The following ANK2 variants were observed in gnomAD, a reference collection of about 807,000 sequenced individuals.
ANK2 encodes the protein ankyrin-2.
Under a neutral mutation model 360.5 loss-of-function variants are expected in ANK2, and 83 were observed. The observed-to-expected ratio is 0.23, with a 90% CI of 0.19 to 0.28. The LOEUF (loss-of-function observed/expected upper bound fraction) is 0.28. Ranked by LOEUF, ANK2 falls within the 10% of genes least tolerant of loss-of-function variation. The pLI is 1.00. For synonymous variants in ANK2, 1,740 were observed against 1,759.5 expected (o/e 0.99, Z 0.28); for missense variants, 4,201 against 4,795.7 (o/e 0.88, Z 3.66).
chr4:112,706,041 C>T, the ANK2 span, among the ~76,000 whole-genome samples: 9 of 151,290 alleles, frequency 5.9e-5, no homozygotes, highest in South Asian at 2.1e-4. Flanking sequence ...GCGGCGGCTG[C>T]GGAGACTCCG....
intron 16 of ANK2, 63 bp downstream of exon 16, chr4:113,277,998 A>G: frequency 2.0e-6 from 3 of 1,468,132 alleles, no homozygotes; most frequent in Non-Finnish European, 2.8e-6. Context: ...GAGATCTGTA[A>G]AGACATTTTT....
chr4:113,046,502 A>G (rs2064449151), upstream of ANK2, among the ~76,000 whole-genome samples: 1 of 151,926 alleles, frequency 6.6e-6, no homozygotes, highest in South Asian at 2.1e-4. Flanking sequence ...GAATGGGATA[A>G]GTGGCCTTAT....
intron 26 of ANK2, among the ~76,000 whole-genome samples, chr4:113,329,060 T>G (rs1181060662): frequency 2.6e-5 from 4 of 152,208 alleles, no homozygotes; most frequent in African/African-American, 9.6e-5. Flanking sequence ...CATTTTGGTG[T>G]AAAGATCTTG....
At chr4:113,231,559 T>A (rs903215597) in intron 4 of ANK2, among the ~76,000 whole-genome samples, 2 of 152,112 alleles carry the variant, frequency 1.3e-5, no homozygotes, top group Admixed American at 1.3e-4. Context: ...TTCCATATGT[T>A]ATGAACTTAT....
At chr4:112,909,799 G>C (rs10016549) in intron 2 of ANK2, among the ~76,000 whole-genome samples, 1 of 152,150 alleles carries the variant, frequency 6.6e-6, no homozygotes, top group African/African-American at 2.4e-5. Flanking sequence ...ATTGGTATCT[G>C]ATAAAAGTGA....
At chr4:112,810,499 T>C in the ANK2 span, among the ~76,000 whole-genome samples, 2 of 152,146 alleles carry the variant, frequency 1.3e-5, no homozygotes, top group African/African-American at 4.8e-5. Context: ...TGGTGAGCTA[T>C]GGCTCATATT....
At chr4:113,296,379 C>T (rs79777658) in intron 22 of ANK2, among the ~76,000 whole-genome samples, 1,946 of 152,096 alleles carry the variant, frequency 0.013, 27 homozygotes, top group Non-Finnish European at 0.018. Flanking sequence ...ATGTTATTAC[C>T]GCTCAAATGC....
At chr4:113,309,449 G>T (rs1352195721) in intron 23 of ANK2, among the ~76,000 whole-genome samples, 3 of 152,316 alleles carry the variant, frequency 2.0e-5, no homozygotes, top group East Asian at 1.9e-4. Flanking sequence ...AAATAAGGGA[G>T]AATGTAAAGG....
intron 24 of ANK2, among the ~76,000 whole-genome samples, chr4:113,316,422 G>A (rs1289848090): frequency 6.6e-6 from 1 of 152,056 alleles, no homozygotes; most frequent in Non-Finnish European, 1.5e-5. Flanking sequence ...CAATTGATGC[G>A]GGCTATGTTG....
At chr4:112,818,416 G>A (rs1228760522) in intron 1 of ANK2, among the ~76,000 whole-genome samples, 2 of 152,226 alleles carry the variant, frequency 1.3e-5, no homozygotes, top group Admixed American at 6.5e-5. Context: ...GAGTTCAAAG[G>A]CAGCGCTGAT....
At chr4:112,735,620 C>T in the ANK2 span, among the ~76,000 whole-genome samples, 1 of 152,150 alleles carries the variant, frequency 6.6e-6, no homozygotes, top group Non-Finnish European at 1.5e-5. Context: ...CTCATTTCCC[C>T]AAACCACTGA....
chr4:113,331,854 C>A (rs761680679), intron 27 of ANK2, 118 bp from the exon 28 acceptor site: 1 of 937,254 alleles, frequency 1.1e-6, no homozygotes, highest in Non-Finnish European at 1.8e-6. Flanking sequence ...CAGAACCAAA[C>A]GCAGTGTGAA....
At chr4:112,924,920 G>A (rs867736616) in intron 2 of ANK2, among the ~76,000 whole-genome samples, 33 of 148,340 alleles carry the variant, frequency 2.2e-4, no homozygotes, top group Middle Eastern at 3.5e-3. Flanking sequence ...CTCATTGCAA[G>A]CTCCACCTCC....
intron 2 of ANK2, among the ~76,000 whole-genome samples, chr4:113,194,733 C>A (rs140035962): frequency 7.2e-5 from 11 of 151,954 alleles, no homozygotes; most frequent in Non-Finnish European, 1.0e-4. Context: ...ATCTGCAAAG[C>A]CCAATATCTT....
chr4:112,925,087 C>T (rs956297678), intron 2 of ANK2, among the ~76,000 whole-genome samples: 9 of 152,258 alleles, frequency 5.9e-5, no homozygotes, highest in African/African-American at 2.2e-4. Context: ...ATCTATCCGC[C>T]TCGGCCTTCC....
At chr4:113,195,004 C>T (rs1476864392) in intron 2 of ANK2, among the ~76,000 whole-genome samples, 3 of 152,094 alleles carry the variant, frequency 2.0e-5, no homozygotes, top group Non-Finnish European at 4.4e-5. Flanking sequence ...GGCAGTGAAT[C>T]TATACCTTGA....
At chr4:113,372,672 T>A (rs1249674398) in intron 43 of ANK2, 1 of 1,325,928 alleles carries the variant, frequency 7.5e-7, no homozygotes, top group Admixed American at 2.0e-5. Flanking sequence ...CCTGTCCCCA[T>A]ATTCTAAGAG....
Position 113,255,635 on chromosome 4 carries a change from C to G in ANK2, c.991-100C>G, listed in dbSNP as rs2048897634. On this transcript the variant is annotated intron_variant, in intron 10 of 45. Coordinates refer to ENST00000357077, the MANE Select transcript of ANK2 (RefSeq NM_001148.6). Reference sequence around the variant, plus strand: ...ATGGAAATTATTTTTTCCCCTGCCACTAACTGTGTTAGAGATCAAGAATCA... The same window carrying G: ...ATGGAAATTATTTTTTCCCCTGCCAGTAACTGTGTTAGAGATCAAGAATCA... The G allele has an allele frequency of 5.6e-6, 7 of 1,248,184 alleles. No homozygotes were observed. In the South Asian group the frequency reaches 8.8e-5, roughly 16 times the overall value. 77.3% of individuals were successfully genotyped at this position (1,248,184 alleles called of 1,614,324 possible).
chr4:112,843,316 ACT>A (rs1331201920), intron 1 of ANK2, among the ~76,000 whole-genome samples: 1 of 151,442 alleles, frequency 6.6e-6, no homozygotes, highest in Non-Finnish European at 1.5e-5. Flanking sequence ...TTCTTCCTCA[ACT>A]CTTTTTTTCT....
Sources: gnomAD v4.1 joint callset for allele counts (sites outside exome capture counted in the v4.1 genomes callset) on GRCh38, gnomAD v4.1.1 for gene constraint, MANE v1.5 for transcripts, NCBI Gene and HGNC (gene_info 2026-07-23, HGNC 2026-07-21) for gene names.